SOS1: variants seen among roughly 807,000 people sequenced by gnomAD.
The protein encoded by SOS1 is SOS Ras/Rac guanine nucleotide exchange factor 1.
A neutral mutation model predicts 157.6 loss-of-function variants in SOS1; 25 were observed. The ratio of observed to expected loss-of-function variants is 0.16; its 90% CI spans 0.12 to 0.22. The LOEUF (loss-of-function observed/expected upper bound fraction) is 0.22. Ranked by LOEUF, SOS1 falls within the 10% of genes least tolerant of loss-of-function variation. The pLI, the probability that SOS1 is intolerant of heterozygous loss-of-function variation, is 1.00. For missense variants in SOS1, 1,237 were observed against 1,599.1 expected, an observed-to-expected ratio of 0.77 and a Z score of 3.86; for synonymous variants, 528 against 534.0, an observed-to-expected ratio of 0.99 and a Z score of 0.16.
chr2:39,085,574 C>A (rs1489112763), intron 1 of SOS1, among the ~76,000 whole-genome samples: 1 of 152,122 alleles, frequency 6.6e-6, no homozygotes, highest in Non-Finnish European at 1.5e-5. Context: ...AAAGCCATAA[C>A]AAGCAAGGAA....
intron 14 of SOS1, among the ~76,000 whole-genome samples, chr2:39,011,266 C>G (rs192443536): frequency 6.6e-6 from 1 of 152,234 alleles, no homozygotes; most frequent in Admixed American, 6.5e-5. Context: ...TTTATAGTAG[C>G]ATTTTGCTTT....
intron 2 of SOS1, among the ~76,000 whole-genome samples, chr2:39,060,453 G>A (rs761078641): frequency 2.6e-5 from 4 of 152,184 alleles, no homozygotes; most frequent in Non-Finnish European, 4.4e-5. Flanking sequence ...CTGAGACAGA[G>A]TCTTGCTCTG....
chr2:39,067,000 G>T (rs534758181), intron 2 of SOS1, among the ~76,000 whole-genome samples: 47 of 152,210 alleles, frequency 3.1e-4, no homozygotes, highest in African/African-American at 1.1e-3. Context: ...AATACAGGTT[G>T]ATTATCCCTA....
At chr2:38,998,295 G>T (rs1668970206) in intron 17 of SOS1, among the ~76,000 whole-genome samples, 1 of 151,856 alleles carries the variant, frequency 6.6e-6, no homozygotes, top group Non-Finnish European at 1.5e-5. Context: ...TGTCTCCCAG[G>T]CTAGAGTGCA....
chr2:39,059,234 C>A (rs2124611743), intron 2 of SOS1, among the ~76,000 whole-genome samples: 1 of 152,252 alleles, frequency 6.6e-6, no homozygotes, highest in East Asian at 1.9e-4. Flanking sequence ...TATGAATATT[C>A]TTTATCCACC....
rs1160582057 is a variant in SOS1, at chr2:39,022,849, A to G, written c.1579T>C (p.Ser527Pro). The G allele has an allele frequency of 6.2e-7, 1 of 1,613,262 alleles. No individual in the cohort carries two copies. The highest frequency in any genetic ancestry group is 8.5e-7 in the Non-Finnish European group (1 of 1,179,612). Residue 527 changes from serine (S) to proline (P), a missense_variant, in exon 10 of 23, where the codon TCT becomes CCT. Transcript: ENST00000402219. ...ILKDENSVIF[S>P]AKSAEEKNNW... The stretch of plus-strand genomic sequence containing the variant: ...TTTTTCTCTTCAGCTGACTTGGCAG[A>G]AAATATAACACTATTTTCATCTTTT...
At chr2:39,048,208 T>C (rs1012691169) in intron 6 of SOS1, among the ~76,000 whole-genome samples, 1 of 152,208 alleles carries the variant, frequency 6.6e-6, no homozygotes, top group Non-Finnish European at 1.5e-5. Context: ...TGCTTTCTTC[T>C]ACAAACTTGA....
At chr2:39,066,533 C>G (rs968283515) in intron 2 of SOS1, among the ~76,000 whole-genome samples, 3 of 152,188 alleles carry the variant, frequency 2.0e-5, no homozygotes, top group African/African-American at 7.2e-5. Context: ...TTAGATGTAT[C>G]TTTTTCTTGG....
At chr2:39,115,812 G>C (rs894696642) in intron 1 of SOS1, among the ~76,000 whole-genome samples, 1 of 152,150 alleles carries the variant, frequency 6.6e-6, no homozygotes, top group Non-Finnish European at 1.5e-5. Context: ...ACCTGTTGAC[G>C]AACATTGGAT....
intron 6 of SOS1, among the ~76,000 whole-genome samples, chr2:39,039,208 G>A (rs1226639390): frequency 6.6e-6 from 1 of 152,188 alleles, no homozygotes; most frequent in Non-Finnish European, 1.5e-5. Context: ...TATATGCACT[G>A]TAAGCCAAAA....
At chr2:39,055,302 T>C (rs1318160775) in intron 4 of SOS1, among the ~76,000 whole-genome samples, 1 of 152,180 alleles carries the variant, frequency 6.6e-6, no homozygotes, top group Non-Finnish European at 1.5e-5. Context: ...CTACAACACA[T>C]CTTTCCCCTT....
rs967271276 is a variant in SOS1 at position 38,989,333 on chromosome 2, A to G, written c.3347-19T>C. 27 of 1,584,654 alleles carry G rather than the reference A, an allele frequency of 1.7e-5. No individual in the cohort carries two copies. The highest frequency in any genetic ancestry group is 2.3e-5 in the Non-Finnish European group (27 of 1,153,802). On this transcript the variant is annotated intron_variant, in intron 20 of 22. Coordinates refer to ENST00000402219, the MANE Select transcript of SOS1 (RefSeq NM_005633.4). ...TCATTGCCTGTGAAAGGAAACAAGA[A>G]AAAGTAGATTTTTTTCTTTCATTGA...
At chr2:39,003,357 A>T (rs1186867684) in intron 17 of SOS1, among the ~76,000 whole-genome samples, 1 of 152,200 alleles carries the variant, frequency 6.6e-6, no homozygotes, top group Non-Finnish European at 1.5e-5. Context: ...AAAACCATCT[A>T]ATCAAGCAAG....
intron 1 of SOS1, among the ~76,000 whole-genome samples, chr2:39,117,346 C>T (rs1416300244): frequency 1.3e-5 from 2 of 152,100 alleles, no homozygotes; most frequent in Non-Finnish European, 2.9e-5. Context: ...ACCTTTTTAG[C>T]CTGAGTGTCA....
intron 2 of SOS1, among the ~76,000 whole-genome samples, chr2:39,060,114 T>C (rs1428706802): frequency 1.3e-5 from 2 of 152,158 alleles, no homozygotes; most frequent in Non-Finnish European, 2.9e-5. Flanking sequence ...TCCAAGTTTA[T>C]TTTACAGACT....
At chr2:39,103,648 A>G (rs1047198505) in intron 1 of SOS1, among the ~76,000 whole-genome samples, 9 of 152,236 alleles carry the variant, frequency 5.9e-5, no homozygotes, top group African/African-American at 2.2e-4. Flanking sequence ...AACTGAAAAT[A>G]TATCAATGAC....
At chr2:39,066,384 T>C (rs919157975) in intron 2 of SOS1, among the ~76,000 whole-genome samples, 17 of 152,212 alleles carry the variant, frequency 1.1e-4, no homozygotes, top group Non-Finnish European at 8.8e-5. Context: ...TACTGTACAC[T>C]TGAAGTCATT....
In SOS1 at chr2:39,013,917, A is replaced by C; in HGVS notation, c.2013T>G (p.Ser671Arg). 1 of 1,607,588 alleles carries C rather than the reference A, an allele frequency of 6.2e-7. No individual in the cohort carries two copies. The highest frequency in any genetic ancestry group is 1.7e-4 in the Middle Eastern group (1 of 6,038). ...CTTTTCTAAATCTTTTCAGTTCTGC[A>C]CTCAAGGGTTGATCTCCATTCTCTA... ...IAIENGDQPL[S>R]AELKRFRKEY... The change falls in exon 12 of 23, where the codon AGT becomes AGG. Residue 671 changes from serine (S) to arginine (R), a missense_variant. Physicochemically the swap from Ser to Arg is moderately radical, Grantham distance 110. Transcript: ENST00000402219.
chr2:39,024,218 A>C (rs1481291638), intron 8 of SOS1, 81 bp from the exon 9 acceptor site: 2 of 1,096,882 alleles, frequency 1.8e-6, no homozygotes, highest in Non-Finnish European at 2.6e-6. Flanking sequence ...GGATAAAAAT[A>C]ACATTTATTC....
Sources: allele counts gnomAD v4.1 joint callset (sites outside exome capture counted in the v4.1 genomes callset), GRCh38; gene constraint gnomAD v4.1.1; transcripts MANE v1.5; gene names NCBI Gene and HGNC (gene_info 2026-07-23, HGNC 2026-07-21).